Variants in CNBD1 observed in about 807,000 individuals in gnomAD.
CNBD1 encodes the protein cyclic nucleotide binding domain containing 1.
A neutral mutation model predicts 54.4 loss-of-function variants in CNBD1; 71 were observed. The ratio of observed to expected loss-of-function variants is 1.30; its 90% CI spans 1.08 to 1.59. CNBD1 has a LOEUF of 1.59. Ranked by LOEUF, CNBD1 falls within the 40% of genes most tolerant of loss-of-function variation. The probability of loss-of-function intolerance (pLI) is 0.00; values close to 1 mark genes in which losing one functional copy is unlikely to be tolerated. For missense variants in CNBD1, 659 were observed against 518.0 expected (o/e 1.27, Z -2.64); for synonymous variants, 182 against 170.7 (o/e 1.07, Z -0.51).
intron 4 of CNBD1, among the ~76,000 whole-genome samples, chr8:87,185,542 A>G (rs1486897008): frequency 6.6e-6 from 1 of 152,164 alleles, no homozygotes; most frequent in Admixed American, 6.5e-5. Context: ...CATTTAGTCT[A>G]TGGCACATTT....
chr8:87,219,504 G>A (rs1271863985), intron 5 of CNBD1, among the ~76,000 whole-genome samples: 2 of 151,870 alleles, frequency 1.3e-5, no homozygotes, highest in African/African-American at 2.4e-5. Context: ...CCTAATGACA[G>A]GATGTCTAAA....
At chr8:87,033,003 A>G (rs1285839255) in intron 4 of CNBD1, among the ~76,000 whole-genome samples, 1 of 152,098 alleles carries the variant, frequency 6.6e-6, no homozygotes, top group Non-Finnish European at 1.5e-5. Context: ...AATCTCTTTC[A>G]CAGTTTCCTT....
At chr8:86,982,058 C>A (rs750248992) in intron 4 of CNBD1, among the ~76,000 whole-genome samples, 3 of 152,172 alleles carry the variant, frequency 2.0e-5, no homozygotes, top group Admixed American at 6.6e-5. Flanking sequence ...TGCTCCACAT[C>A]CTGACCAAAA....
chr8:86,927,556 C>G (rs1000164397), intron 3 of CNBD1, among the ~76,000 whole-genome samples: 3 of 152,006 alleles, frequency 2.0e-5, no homozygotes, highest in Admixed American at 6.6e-5. Context: ...AGGGGCAGGC[C>G]TGGTAACAGG....
chr8:86,900,246 G>A (rs1484890638), intron 2 of CNBD1, among the ~76,000 whole-genome samples: 2 of 152,070 alleles, frequency 1.3e-5, no homozygotes, highest in African/African-American at 4.8e-5. Flanking sequence ...TATAAGATAC[G>A]TTCTACACTA....
At chr8:87,076,164 G>A (rs1006418374) in intron 4 of CNBD1, among the ~76,000 whole-genome samples, 9 of 152,180 alleles carry the variant, frequency 5.9e-5, no homozygotes, top group African/African-American at 1.9e-4. Flanking sequence ...CATGAAGTGG[G>A]TGAGAACTAC....
intron 6 of CNBD1, among the ~76,000 whole-genome samples, chr8:87,282,637 T>G (rs1043677744): frequency 4.6e-5 from 7 of 151,972 alleles, no homozygotes; most frequent in African/African-American, 1.7e-4. Flanking sequence ...ATTGGAAGTT[T>G]TATAATTTCC....
At chr8:86,952,885 C>T (rs989329080) in intron 4 of CNBD1, among the ~76,000 whole-genome samples, 1 of 152,106 alleles carries the variant, frequency 6.6e-6, no homozygotes, top group African/African-American at 2.4e-5. Context: ...TTGTGCCCAC[C>T]CTCTGTTCCA....
At chr8:87,023,145 G>C (rs768892216) in intron 4 of CNBD1, among the ~76,000 whole-genome samples, 10 of 152,008 alleles carry the variant, frequency 6.6e-5, no homozygotes, top group Admixed American at 1.3e-4. Context: ...CCTTCTTTTT[G>C]ACAGAATTTA....
chr8:86,902,298 G>A (rs547000399), intron 2 of CNBD1, among the ~76,000 whole-genome samples: 1 of 151,034 alleles, frequency 6.6e-6, no homozygotes. Flanking sequence ...TTTGGGAGTT[G>A]GGGGGGGAGC....
intron 4 of CNBD1, among the ~76,000 whole-genome samples, chr8:87,134,506 A>G (rs1483010144): frequency 1.3e-5 from 2 of 152,058 alleles, no homozygotes; most frequent in African/African-American, 4.8e-5. Context: ...AGGAAATTCT[A>G]AAAGAATTTC....
chr8:87,237,750 A>C (rs1378239578), intron 6 of CNBD1, among the ~76,000 whole-genome samples: 2 of 152,164 alleles, frequency 1.3e-5, no homozygotes, highest in African/African-American at 4.8e-5. Flanking sequence ...AAAAGAGTCA[A>C]AGAACCAATT....
intron 8 of CNBD1, among the ~76,000 whole-genome samples, chr8:87,342,745 C>T (rs1036206323): frequency 7.2e-5 from 11 of 152,084 alleles, no homozygotes; most frequent in South Asian, 4.1e-4. Context: ...AGGGGGCACA[C>T]GAACAGGGAG....
chr8:86,969,050 A>AG (rs1371731706), intron 4 of CNBD1, among the ~76,000 whole-genome samples: 1 of 152,206 alleles, frequency 6.6e-6, no homozygotes, highest in African/African-American at 2.4e-5. Context: ...TAGGAACAAA[A>AG]TGGGAGACAG....
chr8:86,887,518 A>C (rs374696751), intron 1 of CNBD1, 24 bp from the exon 2 acceptor site: 16 of 1,478,750 alleles, frequency 1.1e-5, no homozygotes, highest in East Asian at 4.9e-5. Context: ...AAATTACTCA[A>C]ATTTTTAATT....
At position 87,351,677 on chromosome 8, in the gene CNBD1, C is replaced by G. The variant is rs1271196190; in HGVS notation, c.1043-8C>G. On this transcript the variant is annotated splice_region_variant and splice_polypyrimidine_tract_variant and intron_variant, in intron 8 of 10. Coordinates refer to ENST00000518476, the MANE Select transcript of CNBD1 (RefSeq NM_173538.3). ...ATGTGTGAAATGAACTATCTCTCTT[C>G]TTTTCAGTGATAGTGGAAAGTGGAA... 3 of 1,488,070 alleles carry G rather than the reference C, an allele frequency of 2.0e-6. No individual in the cohort carries two copies. The highest frequency in any genetic ancestry group is 2.7e-6 in the Non-Finnish European group (3 of 1,122,772). The allele number at this position is 1,488,070 out of a possible 1,614,324, so 92.2% of individuals were successfully genotyped here.
At chr8:86,970,518 A>G (rs1808195421) in intron 4 of CNBD1, among the ~76,000 whole-genome samples, 2 of 152,036 alleles carry the variant, frequency 1.3e-5, no homozygotes, top group South Asian at 4.1e-4. Flanking sequence ...GGTATATTGT[A>G]TAGTGCTGAA....
intron 4 of CNBD1, among the ~76,000 whole-genome samples, chr8:87,037,849 AGT>A (rs1172191971): frequency 2.0e-5 from 3 of 152,200 alleles, no homozygotes; most frequent in Admixed American, 6.5e-5. Flanking sequence ...CATATTTAAG[AGT>A]GAGACAATAA....
At chr8:87,377,242 G>C (rs545687248) in intron 10 of CNBD1, among the ~76,000 whole-genome samples, 1 of 150,862 alleles carries the variant, frequency 6.6e-6, no homozygotes, top group African/African-American at 2.4e-5. Flanking sequence ...ATGCTGGTGC[G>C]CTGCACCCAC....
Sources: allele counts gnomAD v4.1 joint callset (sites outside exome capture counted in the v4.1 genomes callset), GRCh38; gene constraint gnomAD v4.1.1; transcripts MANE v1.5; gene names NCBI Gene and HGNC (gene_info 2026-07-23, HGNC 2026-07-21).